The following MICAL2 variants were observed in gnomAD, a reference collection of about 807,000 sequenced individuals.
MICAL2 encodes the protein microtubule associated monooxygenase, calponin and LIM domain containing 2, also known as [F-actin]-monooxygenase MICAL2.
In MICAL2, 77 loss-of-function variants were observed where a neutral mutation model predicts 127.3. The observed-to-expected ratio is 0.60, with a 90% CI of 0.50 to 0.73. The LOEUF is 0.73. Ranked by LOEUF, MICAL2 falls within the 30% of genes least tolerant of loss-of-function variation. The pLI is 0.00. For missense variants in MICAL2, 1,351 were observed against 1,434.4 expected (o/e 0.94, Z 0.94); for synonymous variants, 570 against 551.1 (o/e 1.03, Z -0.48).
At chr11:12,200,492 C>A (rs1394765582) in intron 3 of MICAL2, among the ~76,000 whole-genome samples, 2 of 152,210 alleles carry the variant, frequency 1.3e-5, no homozygotes, top group African/African-American at 4.8e-5. Flanking sequence ...GGCCTCTTGC[C>A]AGAACACCGA....
intron 1 of MICAL2, among the ~76,000 whole-genome samples, chr11:12,128,733 A>T (rs903249817): frequency 6.6e-6 from 1 of 152,146 alleles, no homozygotes; most frequent in African/African-American, 2.4e-5. Context: ...TCTGAAACCC[A>T]TTTTGGTTTC....
In MICAL2 at chr11:12,320,016, A is replaced by G. The variant is rs549675288; in HGVS notation, c.5328+205A>G. Among the ~76,000 whole-genome samples the G allele has an allele frequency of 1.9e-4, 29 of 152,124 alleles. No individual in the cohort carries two copies. In the South Asian group the frequency reaches 6.0e-3, roughly 32 times the overall value. On this transcript the variant is annotated intron_variant, in intron 30 of 34. Transcript: ENST00000646065. ...ACTTGTAGAAGTTTGCCTTTCTCAG[A>G]CGCAAATTTGGGAGAAAAAAAAAAG...
intron 10 of MICAL2, 45 bp from the exon 11 acceptor site, chr11:12,222,572 G>A: frequency 1.9e-6 from 3 of 1,613,320 alleles, no homozygotes; most frequent in Non-Finnish European, 2.5e-6. Context: ...CAAGGCCTGA[G>A]GTGGCAAAAG....
At chr11:12,308,401 G>A (rs1022170938) in intron 29 of MICAL2, among the ~76,000 whole-genome samples, 1 of 152,114 alleles carries the variant, frequency 6.6e-6, no homozygotes, top group Non-Finnish European at 1.5e-5. Flanking sequence ...CATGAAAATG[G>A]TGTATCTCTC....
intron 1 of MICAL2, among the ~76,000 whole-genome samples, chr11:12,124,132 T>A (rs1300750795): frequency 6.6e-6 from 1 of 152,148 alleles, no homozygotes; most frequent in East Asian, 1.9e-4. Flanking sequence ...CCTGCTTGAT[T>A]CAGAATGATC....
chr11:12,214,954 T>C (rs1855958802), intron 7 of MICAL2, among the ~76,000 whole-genome samples: 1 of 152,244 alleles, frequency 6.6e-6, no homozygotes, highest in Admixed American at 6.5e-5. Context: ...GCATTAGTTG[T>C]TGAGCAAGAT....
At chr11:12,268,980 C>T (rs907572833) in intron 24 of MICAL2, among the ~76,000 whole-genome samples, 2 of 151,820 alleles carry the variant, frequency 1.3e-5, no homozygotes, top group African/African-American at 2.4e-5. Flanking sequence ...GCCTCGGCGA[C>T]GAGCGAGACT....
intron 3 of MICAL2, among the ~76,000 whole-genome samples, chr11:12,176,422 C>G (rs555064320): frequency 3.2e-4 from 48 of 152,260 alleles, no homozygotes; most frequent in African/African-American, 1.1e-3. Flanking sequence ...ATATTAAGTG[C>G]CCAGCAACCG....
At chr11:12,329,185 C>T (rs1864387004) in intron 32 of MICAL2, among the ~76,000 whole-genome samples, 1 of 152,164 alleles carries the variant, frequency 6.6e-6, no homozygotes, top group African/African-American at 2.4e-5. Flanking sequence ...ACTGGATTTC[C>T]TTGCAAAGAT....
At chr11:12,342,635 A>C (rs911703039) in intron 32 of MICAL2, among the ~76,000 whole-genome samples, 2 of 152,224 alleles carry the variant, frequency 1.3e-5, no homozygotes, top group East Asian at 1.9e-4. Context: ...AGTGTTTACT[A>C]TGTGCCAAGC....
intron 3 of MICAL2, among the ~76,000 whole-genome samples, chr11:12,172,519 G>T (rs535481439): frequency 6.6e-6 from 1 of 152,154 alleles, no homozygotes; most frequent in Non-Finnish European, 1.5e-5. Context: ...CAGTAAATGA[G>T]TTTTGCAAGA....
At chr11:12,212,463 C>G (rs1019913624) in intron 6 of MICAL2, among the ~76,000 whole-genome samples, 1 of 152,126 alleles carries the variant, frequency 6.6e-6, no homozygotes, top group Non-Finnish European at 1.5e-5. Context: ...GGCAACAGAG[C>G]GAGACCCTGT....
chr11:12,227,164 C>T, intron 15 of MICAL2, 33 bp downstream of exon 15: 1 of 1,438,354 alleles, frequency 7.0e-7, no homozygotes, highest in Non-Finnish European at 9.8e-7. Flanking sequence ...TTTTATTTCC[C>T]ATTGCACATG....
At chr11:12,279,348 C>T (rs192490927) in intron 1 of MICAL2, among the ~76,000 whole-genome samples, 57 of 152,122 alleles carry the variant, frequency 3.7e-4, no homozygotes, top group Non-Finnish European at 7.5e-4. Flanking sequence ...GAGGGGAAAG[C>T]AGGGACTGCA....
chr11:12,152,688 G>A (rs1029702961), intron 2 of MICAL2, among the ~76,000 whole-genome samples: 4 of 152,296 alleles, frequency 2.6e-5, no homozygotes, highest in African/African-American at 9.6e-5. Context: ...CTGAGCTTTG[G>A]TGGGCTTCCT....
At chr11:12,165,136 C>G (rs1422666798) in intron 3 of MICAL2, among the ~76,000 whole-genome samples, 1 of 104,392 alleles carries the variant, frequency 9.6e-6, no homozygotes. Context: ...GAGACTCCAT[C>G]TCAAAAAAAA....
downstream of MICAL2, chr11:12,358,610 A>C: frequency 1.1e-6 from 1 of 895,628 alleles, no homozygotes; most frequent in South Asian, 2.3e-5. Flanking sequence ...CATTTTTTAA[A>C]ATTAAAATTC....
chr11:12,308,963 C>A (rs1864143472), intron 29 of MICAL2, among the ~76,000 whole-genome samples: 2 of 152,170 alleles, frequency 1.3e-5, no homozygotes, highest in Admixed American at 1.3e-4. Context: ...AATGCTTTTT[C>A]TGCATCTGTT....
At chr11:12,296,413 G>T (rs1237986428), downstream of MICAL2, among the ~76,000 whole-genome samples, 1 of 151,244 alleles carries the variant, frequency 6.6e-6, no homozygotes, top group Non-Finnish European at 1.5e-5. Flanking sequence ...GCATGGAAAG[G>T]CTGCAGTATA....
Sources: allele counts gnomAD v4.1 joint callset (sites outside exome capture counted in the v4.1 genomes callset), GRCh38; gene constraint gnomAD v4.1.1; transcripts MANE v1.5; gene names NCBI Gene and HGNC (gene_info 2026-07-23, HGNC 2026-07-21).